The following TM9SF3 variants were observed in gnomAD, a reference collection of about 807,000 sequenced individuals.
TM9SF3 encodes the protein SM-11044-binding protein.
A neutral mutation model predicts 78.6 loss-of-function variants in TM9SF3; 14 were observed. That is an observed-to-expected ratio of 0.18 (90% confidence interval 0.12 to 0.28). TM9SF3 has a LOEUF of 0.28. TM9SF3 is among the 10% of genes least tolerant of loss of function. The pLI is 1.00. For synonymous variants in TM9SF3, 231 were observed against 241.7 expected, an observed-to-expected ratio of 0.96 and a Z score of 0.41; for missense variants, 496 against 721.9, an observed-to-expected ratio of 0.69 and a Z score of 3.59.
intron 10 of TM9SF3, among the ~76,000 whole-genome samples, chr10:96,532,773 T>C (rs1194242810): frequency 3.9e-5 from 6 of 152,134 alleles, no homozygotes; most frequent in African/African-American, 1.4e-4. Flanking sequence ...TGCAGATTAG[T>C]AAAACTGCAG....
chr10:96,551,417 T>C lies in TM9SF3; in HGVS notation c.793-6A>G, dbSNP rs780141909. 2.0e-5 allele frequency: 31 copies of C among 1,570,334 alleles called. No homozygotes were observed. The highest frequency in any genetic ancestry group is 3.4e-4 in the Middle Eastern group (2 of 5,896). ...TCATCTCCTAGGTCTCTATCCTATA[T>C]ACAAATATATATATAGAGAGAGAAA... is the stretch of plus-strand genomic sequence containing the variant. On this transcript the variant is annotated splice_region_variant and splice_polypyrimidine_tract_variant and intron_variant, in intron 6 of 14. Transcript: ENST00000371142.
chr10:96,581,796 A>T (rs1218161913), intron 1 of TM9SF3, among the ~76,000 whole-genome samples: 1 of 152,248 alleles, frequency 6.6e-6, no homozygotes, highest in Non-Finnish European at 1.5e-5. Flanking sequence ...TCCGTGATAT[A>T]ATACAAATTA....
In TM9SF3 at chr10:96,576,832, G is replaced by A. The variant is rs375904935; in HGVS notation, c.103-3C>T. On this transcript the variant is annotated splice_region_variant and splice_polypyrimidine_tract_variant and intron_variant, in intron 1 of 14. Transcript: ENST00000371142. ...ACAACTTCCTCTTTATCTTGATACT[G>A]AAACAAGAAAAGCAAACAAGAATTA... 7.0e-5 allele frequency: 101 copies of A among 1,452,410 alleles called. No homozygotes were observed. The African/African-American group carries it at 1.1e-3, about 16-fold the overall frequency. The allele number at this position is 1,452,410 out of a possible 1,614,324, so 90.0% of individuals were successfully genotyped here. A position where few individuals can be genotyped will look rare whatever the true frequency, so the allele number is the denominator to read the frequency against.
At chr10:96,526,563 T>C (rs1301319745) in intron 14 of TM9SF3, among the ~76,000 whole-genome samples, 3 of 152,154 alleles carry the variant, frequency 2.0e-5, no homozygotes, top group Admixed American at 1.3e-4. Flanking sequence ...TATTACCTCT[T>C]CCTTTTAATA....
chr10:96,536,852 A>G (rs1162416521), intron 9 of TM9SF3, among the ~76,000 whole-genome samples: 1 of 152,220 alleles, frequency 6.6e-6, no homozygotes, highest in Admixed American at 6.5e-5. Context: ...GTGGCTATTC[A>G]CAGGCACGAT....
intron 9 of TM9SF3, among the ~76,000 whole-genome samples, chr10:96,543,203 T>C (rs1848054647): frequency 6.6e-6 from 1 of 152,248 alleles, no homozygotes; most frequent in Non-Finnish European, 1.5e-5. Flanking sequence ...AGACCGTGGG[T>C]TAACTCATTT....
intron 2 of TM9SF3, among the ~76,000 whole-genome samples, chr10:96,573,374 T>C (rs1388768671): frequency 6.6e-6 from 1 of 152,186 alleles, no homozygotes; most frequent in Non-Finnish European, 1.5e-5. Flanking sequence ...ATCGACTTTA[T>C]CTTTGAACAC....
intron 14 of TM9SF3, among the ~76,000 whole-genome samples, chr10:96,524,795 T>C (rs1564926700): frequency 6.6e-6 from 1 of 151,926 alleles, no homozygotes; most frequent in Non-Finnish European, 1.5e-5. Context: ...CATAAATTGA[T>C]GGATATATAT....
chr10:96,553,637 G>C (rs1848201323), intron 5 of TM9SF3, among the ~76,000 whole-genome samples: 1 of 152,114 alleles, frequency 6.6e-6, no homozygotes, highest in African/African-American at 2.4e-5. Flanking sequence ...TGAATGATTT[G>C]CTTCACTTGC....
Position 96,552,920 on chromosome 10 carries a change from T to G in TM9SF3, c.792+8A>C. On this transcript the variant is annotated splice_region_variant and intron_variant, in intron 6 of 14. Transcript: ENST00000371142. ...GTTTCTACAAATATAATGTAAATGT[T>G]TACTCACCATATCATCCATTTCTTC... 2 of 1,528,242 alleles carry G rather than the reference T, an allele frequency of 1.3e-6. No homozygotes were observed. The highest frequency in any genetic ancestry group is 1.7e-6 in the Non-Finnish European group (2 of 1,145,422). 94.7% of individuals were successfully genotyped at this position (1,528,242 alleles called of 1,614,324 possible).
chr10:96,537,651 G>A (rs990475831), intron 9 of TM9SF3, among the ~76,000 whole-genome samples: 1 of 152,146 alleles, frequency 6.6e-6, no homozygotes, highest in Admixed American at 6.5e-5. Flanking sequence ...TGGCCAACAT[G>A]GTGAAAGCCT....
rs1046302612 is a variant in TM9SF3, at chr10:96,552,544, A to C, written c.792+384T>G. Among the ~76,000 whole-genome samples, 40 of 152,216 alleles carry C rather than the reference A, an allele frequency of 2.6e-4. 1 individual carries two copies. The highest frequency in any genetic ancestry group is 9.4e-4 in the African/African-American group (39 of 41,454). The stretch of plus-strand genomic sequence containing the variant: ...CTCTAACTTAGTAAAAGAACTTAGA[A>C]AACAAATCTTTCCTCTGAACCCACT... On this transcript the variant is annotated intron_variant, in intron 6 of 14. Transcript: ENST00000371142.
chr10:96,521,369 C>T lies in TM9SF3; in HGVS notation c.*894G>A, dbSNP rs1425334436. 3 of 152,830 alleles carry T rather than the reference C, an allele frequency of 2.0e-5. No individual in the cohort carries two copies. The highest frequency in any genetic ancestry group is 4.4e-5 in the Non-Finnish European group (3 of 68,258). 9.5% of individuals were successfully genotyped at this position (152,830 alleles called of 1,614,324 possible). The stretch of plus-strand genomic sequence containing the variant: ...CCACCCCCCTTGTTTTTAATAATTT[C>T]TTATGTAAAACCTTCATTCAAACCC... On this transcript the variant is annotated 3_prime_UTR_variant, in exon 15 of 15. Coordinates refer to ENST00000371142, the MANE Select transcript of TM9SF3 (RefSeq NM_020123.4).
At chr10:96,540,529 C>G (rs1228613355) in intron 9 of TM9SF3, among the ~76,000 whole-genome samples, 1 of 152,066 alleles carries the variant, frequency 6.6e-6, no homozygotes, top group East Asian at 1.9e-4. Flanking sequence ...TTCCCTCTTA[C>G]CAGGGAATCT....
chr10:96,525,200 C>A (rs1847824111), intron 14 of TM9SF3, among the ~76,000 whole-genome samples: 1 of 151,852 alleles, frequency 6.6e-6, no homozygotes. Context: ...GTCCAGTGAA[C>A]AATACTCTGA....
chr10:96,541,497 C>T (rs971184059), intron 9 of TM9SF3, among the ~76,000 whole-genome samples: 1 of 152,110 alleles, frequency 6.6e-6, no homozygotes, highest in Non-Finnish European at 1.5e-5. Context: ...GATTCTCCTG[C>T]CTCAGCCTCC....
intron 9 of TM9SF3, among the ~76,000 whole-genome samples, chr10:96,541,955 T>C (rs1325445357): frequency 6.6e-6 from 1 of 152,188 alleles, no homozygotes; most frequent in Non-Finnish European, 1.5e-5. Flanking sequence ...ACACTACAGA[T>C]TGGGTTTAAA....
intron 8 of TM9SF3, among the ~76,000 whole-genome samples, chr10:96,546,361 A>AGT (rs1357003584): frequency 6.6e-6 from 1 of 152,248 alleles, no homozygotes; most frequent in African/African-American, 2.4e-5. Flanking sequence ...TTCAAGAATA[A>AGT]GTGTAGTAAA....
intron 8 of TM9SF3, among the ~76,000 whole-genome samples, chr10:96,547,493 G>T (rs1028877005): frequency 6.6e-6 from 1 of 152,166 alleles, no homozygotes; most frequent in Non-Finnish European, 1.5e-5. Context: ...CAATAGGTTT[G>T]GTAGAAATTA....
Sources: allele counts gnomAD v4.1 joint callset (sites outside exome capture counted in the v4.1 genomes callset), GRCh38; gene constraint gnomAD v4.1.1; transcripts MANE v1.5; gene names NCBI Gene and HGNC (gene_info 2026-07-23, HGNC 2026-07-21).